LOC128125817: variants seen among roughly 807,000 people sequenced by gnomAD.
chr1:41,613,265 G>A, the LOC128125817 span, among the ~76,000 whole-genome samples: 1 of 152,262 alleles, frequency 6.6e-6, no homozygotes, highest in Non-Finnish European at 1.5e-5. Context: ...TTCCAGCCCA[G>A]GCCACTCACA....
chr1:41,612,623 G>A, the LOC128125817 span, among the ~76,000 whole-genome samples: 1 of 152,204 alleles, frequency 6.6e-6, no homozygotes, highest in African/African-American at 2.4e-5. Context: ...TGGTTCTCAA[G>A]GATTCATGGT....
chr1:41,604,842 G>A, the LOC128125817 span, among the ~76,000 whole-genome samples: 3 of 152,116 alleles, frequency 2.0e-5, no homozygotes, highest in Non-Finnish European at 4.4e-5. Context: ...AGTGGCTCAT[G>A]CCTATAATCT....
chr1:41,608,765 T>A, the LOC128125817 span, among the ~76,000 whole-genome samples: 1 of 152,202 alleles, frequency 6.6e-6, no homozygotes, highest in African/African-American at 2.4e-5. Flanking sequence ...GCTGTTATGA[T>A]GTCATCCTTT....
chr1:41,622,913 C>T, the LOC128125817 span, among the ~76,000 whole-genome samples: 1 of 152,218 alleles, frequency 6.6e-6, no homozygotes, highest in Admixed American at 6.5e-5. Context: ...GTGCCCTTTA[C>T]ACATATTCAT....
At chr1:41,592,833 T>C in the LOC128125817 span, among the ~76,000 whole-genome samples, 14 of 152,164 alleles carry the variant, frequency 9.2e-5, no homozygotes, top group African/African-American at 3.1e-4. Context: ...AATCAGGGGG[T>C]TCTGTGCAGA....
the LOC128125817 span, among the ~76,000 whole-genome samples, chr1:41,623,718 G>A: frequency 0.62 from 93,594 of 152,020 alleles, 29,370 homozygotes; most frequent in African/African-American, 0.74. Context: ...CACCATCCAG[G>A]GAACCTGACA....
At chr1:41,601,636 A>G in the LOC128125817 span, among the ~76,000 whole-genome samples, 6 of 152,162 alleles carry the variant, frequency 3.9e-5, no homozygotes, top group East Asian at 9.6e-4. Flanking sequence ...TAGTTCTAAT[A>G]CTTTTTAATG....
chr1:41,615,058 G>C, the LOC128125817 span, among the ~76,000 whole-genome samples: 2 of 152,068 alleles, frequency 1.3e-5, no homozygotes, highest in Non-Finnish European at 2.9e-5. Flanking sequence ...GAAACGTTGT[G>C]CCATTTGGTG....
At chr1:41,621,694 T>C in the LOC128125817 span, among the ~76,000 whole-genome samples, 1 of 152,204 alleles carries the variant, frequency 6.6e-6, no homozygotes, top group African/African-American at 2.4e-5. Context: ...TTTATTTTTC[T>C]AGTTTTTGAG....
the LOC128125817 span, among the ~76,000 whole-genome samples, chr1:41,604,343 T>C: frequency 3.6e-4 from 54 of 152,076 alleles, 1 homozygote; most frequent in Non-Finnish European, 6.5e-4. Context: ...TACATAGTAA[T>C]AAAAAAGAAC....
chr1:41,585,518 C>T, the LOC128125817 span, among the ~76,000 whole-genome samples: 3 of 152,126 alleles, frequency 2.0e-5, no homozygotes, highest in East Asian at 1.9e-4. Flanking sequence ...TTTCCTCCCC[C>T]GCTCCCATGT....
the LOC128125817 span, among the ~76,000 whole-genome samples, chr1:41,593,444 T>C: frequency 1.3e-5 from 2 of 152,244 alleles, no homozygotes; most frequent in Non-Finnish European, 2.9e-5. Flanking sequence ...GATATGAAGG[T>C]TGTTTCCAGC....
chr1:41,622,285 A>G, the LOC128125817 span, among the ~76,000 whole-genome samples: 1 of 152,204 alleles, frequency 6.6e-6, no homozygotes, highest in African/African-American at 2.4e-5. Flanking sequence ...TAAAGGTCCT[A>G]ATGCCATGGG....
chr1:41,602,442 T>G, the LOC128125817 span, among the ~76,000 whole-genome samples: 1 of 151,706 alleles, frequency 6.6e-6, no homozygotes, highest in Non-Finnish European at 1.5e-5. Flanking sequence ...TAGGTCTGTT[T>G]AGACTTTATA....
the LOC128125817 span, among the ~76,000 whole-genome samples, chr1:41,625,546 T>TTCATAATAAATAA: frequency 4.6e-5 from 7 of 152,160 alleles, no homozygotes; most frequent in Non-Finnish European, 1.0e-4. Context: ...ATAATAAATA[T>TTCATAATAAATAA]AACGTTCATA....
chr1:41,619,325 A>T, the LOC128125817 span, among the ~76,000 whole-genome samples: 1 of 152,172 alleles, frequency 6.6e-6, no homozygotes, highest in Admixed American at 6.5e-5. Context: ...CGTGCCCCCT[A>T]TTCCTTTCCT....
At chr1:41,593,974 C>T in the LOC128125817 span, among the ~76,000 whole-genome samples, 1 of 152,162 alleles carries the variant, frequency 6.6e-6, no homozygotes, top group Non-Finnish European at 1.5e-5. Context: ...CTGGTAACAG[C>T]CAGCCGCATC....
the LOC128125817 span, among the ~76,000 whole-genome samples, chr1:41,605,151 C>T: frequency 9.8e-3 from 267 of 27,230 alleles, 1 homozygote; most frequent in Middle Eastern, 0.042. Flanking sequence ...GGAAGGGAAG[C>T]GGAGGGGTGG....
the LOC128125817 span, among the ~76,000 whole-genome samples, chr1:41,604,240 C>G: frequency 1.3e-5 from 2 of 152,126 alleles, no homozygotes; most frequent in South Asian, 2.1e-4. Flanking sequence ...CATAGCAGAT[C>G]TATTCATGAT....
Sources: gnomAD v4.1 joint callset for allele counts (sites outside exome capture counted in the v4.1 genomes callset) on GRCh38, gnomAD v4.1.1 for gene constraint, MANE v1.5 for transcripts.